ENTPD1: variants seen among roughly 807,000 people sequenced by gnomAD.
The protein encoded by ENTPD1 is ATP diphosphohydrolase.
ENTPD1 carries 33 observed loss-of-function variants against 57.0 expected under a neutral mutation model. The ratio of observed to expected loss-of-function variants is 0.58; its 90% confidence interval spans 0.44 to 0.77. The LOEUF (loss-of-function observed/expected upper bound fraction) is 0.77, where lower values mean the gene tolerates loss of function less well. ENTPD1 is among the 30% of genes least tolerant of loss of function. The pLI is 0.00. For missense variants in ENTPD1, 501 were observed against 603.4 expected (o/e 0.83, Z 1.78); for synonymous variants, 202 against 218.8 (o/e 0.92, Z 0.68).
At chr10:95,713,720 T>C (rs185756009) in intron 1 of ENTPD1, among the ~76,000 whole-genome samples, 2 of 152,358 alleles carry the variant, frequency 1.3e-5, no homozygotes, top group Admixed American at 1.3e-4. Flanking sequence ...CCATTTGTTA[T>C]TGATGGACAA....
rs1004156156 is a variant in ENTPD1 at position 95,839,899 on chromosome 10, T to A, written c.262+91T>A. The A allele has an allele frequency of 2.3e-6, 3 of 1,292,654 alleles. No homozygotes were observed. In the African/African-American group the frequency reaches 4.4e-5, roughly 19 times the overall value. The allele number at this position is 1,292,654 out of a possible 1,614,324, so 80.1% of individuals were successfully genotyped here. On this transcript the variant is annotated intron_variant, in intron 3 of 9. Transcript: ENST00000371205. ...CAGTAGAACACAAGAGAAAAAGGAG[T>A]CCCACGCATAGGAAGCCAAGTGAAG...
chr10:95,792,919 T>G (rs888634539), intron 1 of ENTPD1, among the ~76,000 whole-genome samples: 1 of 152,218 alleles, frequency 6.6e-6, no homozygotes. Context: ...AAATGTCATG[T>G]TCACTCTGGC....
At chr10:95,810,242 A>T (rs2140435600) in intron 1 of ENTPD1, among the ~76,000 whole-genome samples, 1 of 136,318 alleles carries the variant, frequency 7.3e-6, no homozygotes, top group East Asian at 2.2e-4. Flanking sequence ...GGCACTCCTC[A>T]CCTCCCAGAC....
At position 95,839,580 on chromosome 10, in the gene ENTPD1, C is replaced by G. The variant is rs1004019093; in HGVS notation, c.145-111C>G. 3.7e-5 allele frequency: 41 copies of G among 1,095,102 alleles called. No individual in the cohort carries two copies. In the South Asian group the frequency reaches 4.4e-4, roughly 12 times the overall value. 67.8% of individuals were successfully genotyped at this position (1,095,102 alleles called of 1,614,324 possible). ...CCAGTGCCATCCCCTCAATGTTCCT[C>G]TCAAATACTTTCTCCTCATGTTTTT... On this transcript the variant is annotated intron_variant, in intron 2 of 9. Transcript: ENST00000371205.
At chr10:95,747,183 TAC>T (rs2098006918) in intron 1 of ENTPD1, among the ~76,000 whole-genome samples, 1 of 152,214 alleles carries the variant, frequency 6.6e-6, no homozygotes, top group South Asian at 2.1e-4. Flanking sequence ...TCCATTATTT[TAC>T]AGTCTCCTTT....
intron 1 of ENTPD1, among the ~76,000 whole-genome samples, chr10:95,720,519 C>T (rs758220012): frequency 2.0e-5 from 3 of 152,098 alleles, no homozygotes; most frequent in South Asian, 2.1e-4. Flanking sequence ...GACAGTTTTC[C>T]GGGACAAGAG....
At chr10:95,714,117 C>A (rs1370687531) in intron 1 of ENTPD1, among the ~76,000 whole-genome samples, 1 of 152,076 alleles carries the variant, frequency 6.6e-6, no homozygotes, top group Non-Finnish European at 1.5e-5. Context: ...TCAAGACCAG[C>A]CTGGGCAACA....
rs1165036001 is a variant in ENTPD1, at chr10:95,805,085, G to A, written c.17-18152G>A. On this transcript the variant is annotated intron_variant, in intron 1 of 9. Transcript: ENST00000371205. ...CGTTGATCTGTCTAATATTGACAGT[G>A]GGGTGTAAAAGTCTCCCATTATCAT... Among the ~76,000 whole-genome samples the A allele has an allele frequency of 5.9e-5, 9 of 152,138 alleles. No individual in the cohort carries two copies. In the East Asian group the frequency reaches 1.7e-3, roughly 29 times the overall value.
At chr10:95,723,325 C>T (rs1246323224) in intron 1 of ENTPD1, among the ~76,000 whole-genome samples, 3 of 152,154 alleles carry the variant, frequency 2.0e-5, no homozygotes, top group African/African-American at 7.2e-5. Context: ...CTCTGTCTCT[C>T]TCTTTCTCTC....
At chr10:95,787,974 A>G (rs547589951) in intron 1 of ENTPD1, among the ~76,000 whole-genome samples, 55 of 152,266 alleles carry the variant, frequency 3.6e-4, no homozygotes, top group Admixed American at 7.9e-4. Context: ...TTACCTATAT[A>G]TTTATTGGAT....
chr10:95,706,938 C>T (rs112651125), upstream of ENTPD1, among the ~76,000 whole-genome samples: 2 of 152,150 alleles, frequency 1.3e-5, no homozygotes, highest in African/African-American at 2.4e-5. Context: ...CGAGCAGGCG[C>T]CGGGAGAGAA....
chr10:95,708,093 G>A (rs558106830), upstream of ENTPD1, among the ~76,000 whole-genome samples: 1 of 152,274 alleles, frequency 6.6e-6, no homozygotes, highest in South Asian at 2.1e-4. Context: ...ACTGCATTAG[G>A]AATGTAAACT....
At chr10:95,720,606 G>A (rs144892206) in intron 1 of ENTPD1, among the ~76,000 whole-genome samples, 1 of 152,268 alleles carries the variant, frequency 6.6e-6, no homozygotes, top group African/African-American at 2.4e-5. Context: ...CATACCCGGG[G>A]CTCTGTGAGG....
intron 1 of ENTPD1, among the ~76,000 whole-genome samples, chr10:95,721,947 A>T (rs1319412835): frequency 6.6e-6 from 1 of 152,166 alleles, no homozygotes; most frequent in African/African-American, 2.4e-5. Context: ...CTTTGTGCTC[A>T]GGGGTGAGTT....
At chr10:95,772,607 T>C (rs532246351) in intron 1 of ENTPD1, among the ~76,000 whole-genome samples, 1 of 152,318 alleles carries the variant, frequency 6.6e-6, no homozygotes, top group African/African-American at 2.4e-5. Flanking sequence ...GCTGTTTCCA[T>C]CACTTCTGTA....
intron 1 of ENTPD1, among the ~76,000 whole-genome samples, chr10:95,770,253 G>A (rs865928527): frequency 3.1e-5 from 2 of 65,318 alleles, no homozygotes; most frequent in South Asian, 4.9e-4. Flanking sequence ...GAGTGAGTGA[G>A]TGAGTGTGTG....
chr10:95,777,757 C>A (rs567385762), intron 1 of ENTPD1, among the ~76,000 whole-genome samples: 1 of 152,352 alleles, frequency 6.6e-6, no homozygotes, highest in African/African-American at 2.4e-5. Flanking sequence ...GCCCTGCCCC[C>A]AGAGGTGGAG....
chr10:95,860,172 T>A (rs746821571), intron 7 of ENTPD1, among the ~76,000 whole-genome samples: 3 of 152,210 alleles, frequency 2.0e-5, no homozygotes, highest in Non-Finnish European at 4.4e-5. Context: ...TAAATGGGAT[T>A]TTTGCAACCC....
At chr10:95,727,930 A>G (rs575085752) in intron 1 of ENTPD1, among the ~76,000 whole-genome samples, 1 of 152,362 alleles carries the variant, frequency 6.6e-6, no homozygotes, top group East Asian at 1.9e-4. Flanking sequence ...AATATTTTGT[A>G]TAAGTTAAAT....
Sources: allele counts gnomAD v4.1 joint callset (sites outside exome capture counted in the v4.1 genomes callset), GRCh38; gene constraint gnomAD v4.1.1; transcripts MANE v1.5; gene names NCBI Gene and HGNC (gene_info 2026-07-23, HGNC 2026-07-21).